Variants in CETN3 observed in about 807,000 individuals in gnomAD.
CETN3 encodes the protein centrin 3.
Under a neutral mutation model 20.1 loss-of-function variants are expected in CETN3, and 17 were observed. The ratio of observed to expected loss-of-function variants is 0.85; its 90% CI spans 0.58 to 1.27. The LOEUF is 1.27. CETN3 is among the 50% of genes most tolerant of loss of function. CETN3 has a pLI of 0.00. For synonymous variants in CETN3, 52 were observed against 59.7 expected, an observed-to-expected ratio of 0.87 and a Z score of 0.59; for missense variants, 169 against 191.2, an observed-to-expected ratio of 0.88 and a Z score of 0.69.
At chr5:90,406,758 G>A (rs1420766259) in intron 2 of CETN3, among the ~76,000 whole-genome samples, 1 of 144,528 alleles carries the variant, frequency 6.9e-6, no homozygotes, top group Non-Finnish European at 1.5e-5. Flanking sequence ...GAAGCTCCAG[G>A]TATGAAATAA....
chr5:90,395,376 A>C (rs1749115020), intron 4 of CETN3, among the ~76,000 whole-genome samples: 1 of 152,210 alleles, frequency 6.6e-6, no homozygotes, highest in African/African-American at 2.4e-5. Context: ...TAGCTTTATG[A>C]AAGATATATC....
intron 4 of CETN3, among the ~76,000 whole-genome samples, chr5:90,397,679 T>C (rs768357387): frequency 6.6e-6 from 1 of 152,168 alleles, no homozygotes; most frequent in Non-Finnish European, 1.5e-5. Flanking sequence ...TTTTACTTCA[T>C]AGCCCGAAAG....
intron 2 of CETN3, 67 bp from the exon 3 acceptor site, chr5:90,405,866 T>C: frequency 1.0e-6 from 1 of 957,646 alleles, no homozygotes; most frequent in South Asian, 1.5e-5. Flanking sequence ...AATTATTAAG[T>C]TTTTACATCT....
At chr5:90,405,406 C>A (rs1421027799) in intron 3 of CETN3, 1 of 411,546 alleles carries the variant, frequency 2.4e-6, no homozygotes, top group Non-Finnish European at 4.2e-6. Context: ...AATATAAATA[C>A]AAACAACTTG....
In CETN3 at chr5:90,393,401, T is replaced by C. The variant is rs1749062539; in HGVS notation, c.*663A>G. 6.6e-6 allele frequency: 1 copy of C among 152,208 alleles called. No homozygotes were observed. Among genetic ancestry groups the C allele is most frequent in the South Asian group, 2.1e-4 (1 of 4,826 alleles). 9.4% of individuals were successfully genotyped at this position (152,208 alleles called of 1,614,324 possible). A position where few individuals can be genotyped will look rare whatever the true frequency, so the allele number is the denominator to read the frequency against. ...ATATTCAGAAGAAAATTAACTTTCA[T>C]ACTTACAATGATACCAAGTTAAGAA... On this transcript the variant is annotated 3_prime_UTR_variant, in exon 5 of 5. Transcript: ENST00000283122.
rs976445967 is a variant in CETN3, at chr5:90,393,017, G to A, written c.*1047C>T. On this transcript the variant is annotated 3_prime_UTR_variant, in exon 5 of 5. Coordinates refer to ENST00000283122, the MANE Select transcript of CETN3 (RefSeq NM_004365.4). ...AAATAGACAACTCAATTCCGTTCCT[G>A]GGAGAGCCCATAACACCGAGTACTA... 6.6e-6 allele frequency: 1 copy of A among 152,100 alleles called. No individual in the cohort carries two copies. The highest frequency in any genetic ancestry group is 2.4e-5 in the African/African-American group (1 of 41,418). 9.4% of individuals were successfully genotyped at this position (152,100 alleles called of 1,614,324 possible).
chr5:90,409,000 A>G (rs1426957569), intron 1 of CETN3, among the ~76,000 whole-genome samples: 1 of 152,158 alleles, frequency 6.6e-6, no homozygotes, highest in Non-Finnish European at 1.5e-5. Context: ...ATTATCCCTT[A>G]GCAGAACATG....
chr5:90,408,304 T>C (rs116522019), intron 1 of CETN3, among the ~76,000 whole-genome samples: 1,593 of 152,326 alleles, frequency 0.01, 21 homozygotes, highest in African/African-American at 0.035. Flanking sequence ...ATAATTATGT[T>C]CATAAAATTA....
intron 3 of CETN3, among the ~76,000 whole-genome samples, chr5:90,404,260 G>A (rs1019979882): frequency 2.0e-5 from 3 of 152,188 alleles, no homozygotes; most frequent in Non-Finnish European, 4.4e-5. Flanking sequence ...TTCCAGAGCT[G>A]TAAAGTGGCA....
intron 3 of CETN3, 85 bp from the exon 4 acceptor site, chr5:90,399,634 G>A (rs534605823): frequency 1.9e-6 from 2 of 1,053,880 alleles, no homozygotes; most frequent in East Asian, 2.5e-5. Context: ...TATTAGATGA[G>A]AATTAAAGCT....
chr5:90,406,633 A>G (rs1331888969), intron 2 of CETN3, among the ~76,000 whole-genome samples: 1 of 151,712 alleles, frequency 6.6e-6, no homozygotes, highest in Non-Finnish European at 1.5e-5. Context: ...AGTAGTATAC[A>G]ATGAGGAGTT....
intron 3 of CETN3, chr5:90,405,417 G>C: frequency 2.4e-6 from 1 of 424,542 alleles, no homozygotes; most frequent in Non-Finnish European, 4.1e-6. Flanking sequence ...AAACAACTTG[G>C]AAAAGCATCT....
At chr5:90,396,141 G>C (rs1286682748) in intron 4 of CETN3, 1 of 982,028 alleles carries the variant, frequency 1.0e-6, no homozygotes, top group Admixed American at 6.2e-5. Context: ...AAGAGAGCTG[G>C]GGTGGGAGAA....
intron 3 of CETN3, among the ~76,000 whole-genome samples, chr5:90,400,697 G>C (rs1749266089): frequency 6.6e-6 from 1 of 151,412 alleles, no homozygotes. Flanking sequence ...TTGTTTTGCT[G>C]CTGTTTCACC....
chr5:90,399,870 G>A (rs1241106815), intron 3 of CETN3, among the ~76,000 whole-genome samples: 1 of 152,158 alleles, frequency 6.6e-6, no homozygotes, highest in Non-Finnish European at 1.5e-5. Flanking sequence ...ATCAAGAATT[G>A]TACTAGGCTC....
At chr5:90,396,087 C>T (rs1749131145) in intron 4 of CETN3, 1 of 957,938 alleles carries the variant, frequency 1.0e-6, no homozygotes, top group African/African-American at 1.8e-5. Context: ...TAAATCATTA[C>T]TTGGGCTCTA....
chr5:90,406,964 T>G (rs1254198999), intron 2 of CETN3, among the ~76,000 whole-genome samples: 1 of 151,884 alleles, frequency 6.6e-6, no homozygotes, highest in Non-Finnish European at 1.5e-5. Context: ...CACTGCATAG[T>G]TCCTATCCCT....
chr5:90,409,536 A>G, intron 1 of CETN3, 109 bp downstream of exon 1: 1 of 1,371,826 alleles, frequency 7.3e-7, no homozygotes, highest in Non-Finnish European at 1.0e-6. Flanking sequence ...CCGCGTCCCA[A>G]ACTACATCCC....
At position 90,394,019 on chromosome 5, in the gene CETN3, TAA is replaced by T; in HGVS notation, c.*43_*44del. The T allele has an allele frequency of 7.5e-7, 1 of 1,332,910 alleles. No individual in the cohort carries two copies. The highest frequency in any genetic ancestry group is 1.8e-4 in the Middle Eastern group (1 of 5,510). The allele number at this position is 1,332,910 out of a possible 1,614,324, so 82.6% of individuals were successfully genotyped here. ...TGGCTCCAGGCACAAAAATAGAATA[TAA>T]GATGGTAACTGCAACATTCTTAGTG... On this transcript the variant is annotated 3_prime_UTR_variant, in exon 5 of 5. Coordinates refer to ENST00000283122, the MANE Select transcript of CETN3 (RefSeq NM_004365.4).
Sources: gnomAD v4.1 joint callset for allele counts (sites outside exome capture counted in the v4.1 genomes callset) on GRCh38, gnomAD v4.1.1 for gene constraint, MANE v1.5 for transcripts, NCBI Gene and HGNC (gene_info 2026-07-23, HGNC 2026-07-21) for gene names.